RGS12: variants seen among roughly 807,000 people sequenced by gnomAD.
The protein encoded by RGS12 is regulator of G protein signaling 12.
A neutral mutation model predicts 120.1 loss-of-function variants in RGS12; 66 were observed. The ratio of observed to expected loss-of-function variants is 0.55; its 90% CI spans 0.45 to 0.67. RGS12 has a LOEUF of 0.67. Among genes scored for constraint, RGS12 ranks in the 30% least tolerant of loss-of-function variants. RGS12 has a pLI of 0.00. For synonymous variants in RGS12, 827 were observed against 804.7 expected (o/e 1.03, Z -0.47); for missense variants, 1,859 against 1,957.7 (o/e 0.95, Z 0.95).
intron 2 of RGS12, among the ~76,000 whole-genome samples, chr4:3,337,540 G>C (rs1484874537): frequency 6.6e-6 from 1 of 152,214 alleles, no homozygotes; most frequent in Admixed American, 6.5e-5. Flanking sequence ...CAGCCTTGAA[G>C]AGGAAGGCTA....
chr4:3,379,262 A>C (rs1229778851), intron 3 of RGS12, among the ~76,000 whole-genome samples: 3 of 152,136 alleles, frequency 2.0e-5, no homozygotes, highest in African/African-American at 7.2e-5. Context: ...TATAAGATGA[A>C]TAAGTTCTAG....
chr4:3,374,217 G>A lies in RGS12; in HGVS notation c.1999-12199G>A, dbSNP rs1403122786. Among the ~76,000 whole-genome samples the A allele has an allele frequency of 2.0e-5, 3 of 152,238 alleles. No individual in the cohort carries two copies. Among genetic ancestry groups the A allele is most frequent in the African/African-American group, 4.8e-5 (2 of 41,470 alleles). ...CATGATGCAGGGACCCCGGCCCTCC[G>A]CAGACAGCAGGAGCTGCCGAGCTCC... On this transcript the variant is annotated intron_variant, in intron 3 of 17. Transcript: ENST00000336727. The surrounding 1 kb of genome is among the most constrained non-coding windows in gnomAD (Gnocchi z 6.3).
rs192887999 is a variant in RGS12, at chr4:3,425,128, C to T, written c.3235-336C>T. Among the ~76,000 whole-genome samples the T allele has an allele frequency of 2.6e-5, 4 of 152,344 alleles. No individual in the cohort carries two copies. In the East Asian group the frequency reaches 7.7e-4, roughly 29 times the overall value. On this transcript the variant is annotated intron_variant, in intron 13 of 17. Transcript: ENST00000336727. ...TTGCTTCCTTGTTTACAAAGGGGAACATCTGCTCTCAGTATTCCCCTCATA... is the reference window on the plus strand; with the variant it reads ...TTGCTTCCTTGTTTACAAAGGGGAATATCTGCTCTCAGTATTCCCCTCATA...
chr4:3,413,826 G>C, intron 4 of RGS12: 1 of 493,966 alleles, frequency 2.0e-6, no homozygotes, highest in Non-Finnish European at 3.7e-6. Context: ...GTGAACATGT[G>C]TGTGTGCTCG....
rs751473505 is a variant in RGS12 at position 3,423,509 on chromosome 4, C to T, written c.3108-6C>T. ...GTTGGTAGTGAATTTTTTCATCCCC[C>T]ACCAGGCTGGATCTTGTTCCGATTA... is the stretch of plus-strand genomic sequence containing the variant. On this transcript the variant is annotated splice_polypyrimidine_tract_variant and splice_region_variant and intron_variant, in intron 12 of 17. Transcript: ENST00000336727. 1.2e-6 allele frequency: 2 copies of T among 1,612,870 alleles called. No individual in the cohort carries two copies. The highest frequency in any genetic ancestry group is 1.3e-5 in the African/African-American group (1 of 74,936).
In RGS12 at chr4:3,372,640, C is replaced by T. The variant is rs913240229; in HGVS notation, c.1999-13776C>T. Among the ~76,000 whole-genome samples the T allele has an allele frequency of 1.1e-4, 17 of 152,366 alleles. No individual in the cohort carries two copies. The East Asian group carries it at 1.4e-3, about 12-fold the overall frequency. ...CGGCCATCAGGGTGTGGTTTTGTGA[C>T]GTCTCAGGGTGTCCTTTCTTTCCTT... is the stretch of plus-strand genomic sequence containing the variant. On this transcript the variant is annotated intron_variant, in intron 3 of 17. Transcript: ENST00000336727. The surrounding 1 kb of genome is among the most constrained non-coding windows in gnomAD (Gnocchi z 4.3).
At chr4:3,429,508 A>T (rs1724013433) in intron 16 of RGS12, among the ~76,000 whole-genome samples, 1 of 152,166 alleles carries the variant, frequency 6.6e-6, no homozygotes, top group African/African-American at 2.4e-5. Flanking sequence ...TGAAGCTTGT[A>T]TGTTTCTGAG....
intron 1 of RGS12, among the ~76,000 whole-genome samples, chr4:3,298,452 G>C (rs947630890): frequency 1.3e-5 from 2 of 152,108 alleles, no homozygotes; most frequent in African/African-American, 4.8e-5. Context: ...CTGGGCTCAA[G>C]CGATCCCCCT....
At chr4:3,394,095 C>T (rs1719805358) in intron 4 of RGS12, among the ~76,000 whole-genome samples, 1 of 152,206 alleles carries the variant, frequency 6.6e-6, no homozygotes, top group Admixed American at 6.5e-5. Flanking sequence ...CTGACCCTTC[C>T]TGCCGGCATC....
chr4:3,313,804 C>G lies in RGS12; in HGVS notation c.-101-2266C>G, dbSNP rs200816022. ...CTCTGACCCCAGGCTCACACAGGCGCACCCCACACTCTCCCCATCTCTAGA... is the reference window on the plus strand; with the variant it reads ...CTCTGACCCCAGGCTCACACAGGCGGACCCCACACTCTCCCCATCTCTAGA... On this transcript the variant is annotated intron_variant, in intron 1 of 17. Transcript: ENST00000336727. 2.0e-4 allele frequency among the ~76,000 whole-genome samples: 30 copies of G among 152,296 alleles called. No individual in the cohort carries two copies. The South Asian group carries it at 3.3e-3, about 17-fold the overall frequency.
chr4:3,409,692 G>A (rs1721525001), intron 4 of RGS12, among the ~76,000 whole-genome samples: 1 of 152,246 alleles, frequency 6.6e-6, no homozygotes, highest in Non-Finnish European at 1.5e-5. Flanking sequence ...GAGGCAGACG[G>A]TTCACGTCAC....
intron 3 of RGS12, among the ~76,000 whole-genome samples, chr4:3,363,096 T>G (rs1045581787): frequency 6.7e-6 from 1 of 149,156 alleles, no homozygotes; most frequent in African/African-American, 2.5e-5. Context: ...AAGGCGTGTG[T>G]ATGTGAGTGT....
intron 4 of RGS12, among the ~76,000 whole-genome samples, chr4:3,409,124 C>G (rs1721459711): frequency 6.6e-6 from 1 of 152,192 alleles, no homozygotes; most frequent in Non-Finnish European, 1.5e-5. Context: ...GCCCCCAAGC[C>G]ATGCCTGCAT....
At chr4:3,422,034 C>T (rs996727845) in intron 10 of RGS12, among the ~76,000 whole-genome samples, 1 of 152,174 alleles carries the variant, frequency 6.6e-6, no homozygotes, top group African/African-American at 2.4e-5. Flanking sequence ...AACCCAGAGC[C>T]CTGGGAGGGA....
the RGS12 span, among the ~76,000 whole-genome samples, chr4:3,286,179 A>G: frequency 0.63 from 95,674 of 152,072 alleles, 31,190 homozygotes; most frequent in African/African-American, 0.8. Flanking sequence ...AGGACCGAGG[A>G]GGTTCCAGGG....
chr4:3,308,280 G>A (rs1046098179), intron 1 of RGS12, among the ~76,000 whole-genome samples: 3 of 152,252 alleles, frequency 2.0e-5, no homozygotes, highest in Non-Finnish European at 4.4e-5. Flanking sequence ...CACATGTGAC[G>A]ATCTCAACAG....
In RGS12 at chr4:3,365,201, G is replaced by A. The variant is rs1229519038; in HGVS notation, c.1999-21215G>A. Among the ~76,000 whole-genome samples the A allele has an allele frequency of 2.0e-5, 3 of 152,174 alleles. No individual in the cohort carries two copies. Among genetic ancestry groups the A allele is most frequent in the African/African-American group, 4.8e-5 (2 of 41,444 alleles). On this transcript the variant is annotated intron_variant, in intron 3 of 17. Coordinates refer to ENST00000336727, the MANE Select transcript of RGS12 (RefSeq NM_001394154.1). This position sits in a 1 kb window ranked among gnomAD's most constrained non-coding sequence, Gnocchi z 4.0. ...CCAGGGATGGCAGACCGCAGTCCCC[G>A]GCCAGATCCACTGCCTGTTCTTGTA...
At chr4:3,394,265 T>C (rs1003489746) in intron 4 of RGS12, among the ~76,000 whole-genome samples, 1 of 152,088 alleles carries the variant, frequency 6.6e-6, no homozygotes, top group Non-Finnish European at 1.5e-5. Context: ...TGGGTTCAAG[T>C]GATTCTTGTG....
intron 4 of RGS12, among the ~76,000 whole-genome samples, chr4:3,388,321 G>T (rs1719081917): frequency 6.6e-6 from 1 of 152,198 alleles, no homozygotes; most frequent in Admixed American, 6.5e-5. Flanking sequence ...CGGGCTGGAT[G>T]TTTATTTAGT....
Sources: allele counts gnomAD v4.1 joint callset (sites outside exome capture counted in the v4.1 genomes callset), GRCh38; gene constraint gnomAD v4.1.1; non-coding constraint Gnocchi (gnomAD v3.1); transcripts MANE v1.5; gene names NCBI Gene and HGNC (gene_info 2026-07-23, HGNC 2026-07-21).